Variants in TNS3 observed in about 807,000 individuals in gnomAD.
The protein encoded by TNS3 is tensin-3.
A neutral mutation model predicts 140.9 loss-of-function variants in TNS3; 45 were observed. The observed-to-expected ratio is 0.32, with a 90% CI of 0.25 to 0.41. The LOEUF (loss-of-function observed/expected upper bound fraction) is 0.41. Among genes scored for constraint, TNS3 ranks in the 10% least tolerant of loss-of-function variants. TNS3 has a pLI of 1.00. For synonymous variants in TNS3, 815 were observed against 788.4 expected (o/e 1.03, Z -0.56); for missense variants, 1,716 against 1,906.7 (o/e 0.90, Z 1.86).
At chr7:47,404,396 A>G (rs1793327250) in intron 13 of TNS3, among the ~76,000 whole-genome samples, 1 of 152,204 alleles carries the variant, frequency 6.6e-6, no homozygotes, top group South Asian at 2.1e-4. Flanking sequence ...TTATCCAATA[A>G]TGATATGCTA....
At chr7:47,465,601 C>A (rs1221766570) in intron 4 of TNS3, among the ~76,000 whole-genome samples, 1 of 152,186 alleles carries the variant, frequency 6.6e-6, no homozygotes, top group Non-Finnish European at 1.5e-5. Context: ...GATATCACAT[C>A]ACTTCATCCA....
chr7:47,559,077 C>A lies in TNS3; in HGVS notation c.-265+22974G>T, dbSNP rs182993318. 5.5e-3 allele frequency among the ~76,000 whole-genome samples: 833 copies of A among 152,330 alleles called. 7 individuals carry two copies. The highest frequency in any genetic ancestry group is 0.019 in the African/African-American group (793 of 41,572). ...TATTTAAATATACAGACAGGCAGGTCGTGGTGGTTCACACCTGTAATCCCA... is the reference window on the plus strand; with the variant it reads ...TATTTAAATATACAGACAGGCAGGTAGTGGTGGTTCACACCTGTAATCCCA... On this transcript the variant is annotated intron_variant, in intron 1 of 30. Coordinates refer to ENST00000311160, the MANE Select transcript of TNS3 (RefSeq NM_022748.12).
At chr7:47,442,164 A>T in intron 4 of TNS3, 109 bp from the exon 5 acceptor site, 1 of 648,888 alleles carries the variant, frequency 1.5e-6, no homozygotes, top group Middle Eastern at 3.3e-4. Flanking sequence ...GTTTAATCAT[A>T]AACAGCAAGT....
chr7:47,463,960 C>A (rs935144453), intron 4 of TNS3, among the ~76,000 whole-genome samples: 1 of 152,108 alleles, frequency 6.6e-6, no homozygotes, highest in East Asian at 1.9e-4. Context: ...TCTAATGCCC[C>A]CACTTAATAC....
intron 1 of TNS3, among the ~76,000 whole-genome samples, chr7:47,553,374 C>T (rs556625582): frequency 1.3e-5 from 2 of 152,320 alleles, no homozygotes; most frequent in East Asian, 1.9e-4. Flanking sequence ...TTCAAAGCTT[C>T]GAAGCACAGG....
chr7:47,543,053 T>C (rs1017908848), intron 1 of TNS3, among the ~76,000 whole-genome samples: 13 of 152,142 alleles, frequency 8.5e-5, no homozygotes, highest in African/African-American at 3.1e-4. Flanking sequence ...CCCTCTCTCC[T>C]TGTCCAAAGG....
At chr7:47,475,398 T>C (rs1584739287) in intron 4 of TNS3, among the ~76,000 whole-genome samples, 1 of 152,224 alleles carries the variant, frequency 6.6e-6, no homozygotes, top group Admixed American at 6.5e-5. Flanking sequence ...AGGCAGCTGG[T>C]GCGGGCTCGG....
intron 4 of TNS3, among the ~76,000 whole-genome samples, chr7:47,447,409 T>C (rs1371527352): frequency 6.6e-6 from 1 of 152,126 alleles, no homozygotes; most frequent in East Asian, 1.9e-4. Context: ...GAAAGTAGCC[T>C]AGCCTTATGG....
intron 2 of TNS3, among the ~76,000 whole-genome samples, chr7:47,526,064 G>C (rs1799181282): frequency 6.6e-6 from 1 of 152,204 alleles, no homozygotes; most frequent in South Asian, 2.1e-4. Context: ...ACGTGCTTGC[G>C]CGTTTCACAG....
At chr7:47,300,332 C>T (rs1457126262) in intron 23 of TNS3, among the ~76,000 whole-genome samples, 2 of 152,220 alleles carry the variant, frequency 1.3e-5, no homozygotes, top group Non-Finnish European at 2.9e-5. Flanking sequence ...AACCAACACT[C>T]GATGCACATG....
At chr7:47,520,585 G>A (rs1245108263) in intron 2 of TNS3, among the ~76,000 whole-genome samples, 1 of 152,196 alleles carries the variant, frequency 6.6e-6, no homozygotes, top group Non-Finnish European at 1.5e-5. Context: ...AAGGATTTCA[G>A]ACAAAATCCA....
In TNS3 at chr7:47,344,768, G is replaced by T. The variant is rs771078395; in HGVS notation, c.2637C>A (p.His879Gln). Residue 879 changes from histidine to glutamine, a missense_variant, in exon 20 of 31, where the codon CAC becomes CAA. Transcript: ENST00000311160. The stretch of plus-strand genomic sequence containing the variant: ...TAGATTTCTTACCACGTCCTCCTTT[G>T]TGCTGACTGGCTGGGCTGCTCAGCG... ...EPPLSSPASQ[H>Q]KGGREPRSCP... is the part of the protein sequence containing the mutation. 1 of 1,612,680 alleles carries T rather than the reference G, an allele frequency of 6.2e-7. No individual in the cohort carries two copies. Among genetic ancestry groups the T allele is most frequent in the South Asian group, 1.1e-5 (1 of 91,030 alleles).
At chr7:47,566,959 G>A (rs1202563765) in intron 1 of TNS3, among the ~76,000 whole-genome samples, 4 of 149,418 alleles carry the variant, frequency 2.7e-5, no homozygotes, top group Non-Finnish European at 4.4e-5. Flanking sequence ...CCTGAAACAG[G>A]GAGGGAGGTT....
intron 13 of TNS3, chr7:47,403,321 G>C (rs1285986063): frequency 6.6e-6 from 1 of 152,288 alleles, no homozygotes; most frequent in Non-Finnish European, 1.5e-5. Context: ...AGTGGCAGGA[G>C]ATGGGAATCG....
chr7:47,442,703 G>A (rs539762305), intron 4 of TNS3, among the ~76,000 whole-genome samples: 21 of 152,294 alleles, frequency 1.4e-4, no homozygotes, highest in African/African-American at 4.6e-4. Flanking sequence ...GAGGTGAATG[G>A]GGAAACCCAG....
chr7:47,423,890 G>A (rs553697054), intron 10 of TNS3, among the ~76,000 whole-genome samples: 1 of 152,250 alleles, frequency 6.6e-6, no homozygotes, highest in East Asian at 1.9e-4. Flanking sequence ...AGCAGCATAG[G>A]GGGCTGTCTC....
chr7:47,414,067 A>C (rs1793938639), intron 11 of TNS3, 70 bp from the exon 12 acceptor site: 1 of 1,550,722 alleles, frequency 6.4e-7, no homozygotes, highest in Non-Finnish European at 8.9e-7. Flanking sequence ...GGCAATCAGA[A>C]AGACAGAAAG....
chr7:47,297,186 G>C lies in TNS3; in HGVS notation c.3572C>G (p.Pro1191Arg), dbSNP rs748158865. The change falls in exon 24 of 31, where the codon CCG (proline) becomes CGG (arginine). Residue 1191 changes from proline to arginine, a missense_variant. Transcript: ENST00000311160. ...QAIAMLKDKE[P>R]GSFIVRDSHS... is the part of the protein sequence containing the mutation. Reference sequence around the variant, plus strand: ...GCTGTCTCGAACAATGAATGAGCCCGGCTCCTTGTCCTTCAACATGGCGAT... The same window carrying C: ...GCTGTCTCGAACAATGAATGAGCCCCGCTCCTTGTCCTTCAACATGGCGAT... 3 of 1,613,116 alleles carry C rather than the reference G, an allele frequency of 1.9e-6. No individual in the cohort carries two copies. The highest frequency in any genetic ancestry group is 2.2e-5 in the East Asian group (1 of 44,868).
chr7:47,389,192 G>A (rs1792362198), intron 16 of TNS3, among the ~76,000 whole-genome samples: 2 of 151,932 alleles, frequency 1.3e-5, no homozygotes, highest in African/African-American at 4.8e-5. Flanking sequence ...AGCAGAAGAA[G>A]AAGAAGAAGA....
Sources: allele counts gnomAD v4.1 joint callset (sites outside exome capture counted in the v4.1 genomes callset), GRCh38; gene constraint gnomAD v4.1.1; transcripts MANE v1.5; gene names NCBI Gene and HGNC (gene_info 2026-07-23, HGNC 2026-07-21).